Variants in CAST observed in about 807,000 individuals in gnomAD.
The protein encoded by CAST is calpastatin.
Under a neutral mutation model 119.6 loss-of-function variants are expected in CAST, and 76 were observed. The ratio of observed to expected loss-of-function variants is 0.64; its 90% CI spans 0.53 to 0.77. The LOEUF is 0.77. Among genes scored for constraint, CAST ranks in the 30% least tolerant of loss-of-function variants. The pLI is 0.00. For synonymous variants in CAST, 319 were observed against 331.6 expected, an observed-to-expected ratio of 0.96 and a Z score of 0.41; for missense variants, 953 against 946.5, an observed-to-expected ratio of 1.01 and a Z score of -0.09.
At chr5:96,362,579 G>T in the CAST span, among the ~76,000 whole-genome samples, 6 of 152,112 alleles carry the variant, frequency 3.9e-5, no homozygotes, top group Non-Finnish European at 7.4e-5. Flanking sequence ...TTTCTCTGAT[G>T]GCCAGTGATG....
chr5:96,462,617 A>G, the CAST span, among the ~76,000 whole-genome samples: 1 of 152,114 alleles, frequency 6.6e-6, no homozygotes, highest in East Asian at 1.9e-4. Flanking sequence ...ATAAAAATTT[A>G]AAAGGGTTAA....
the CAST span, among the ~76,000 whole-genome samples, chr5:96,009,122 G>T: frequency 6.6e-6 from 1 of 152,146 alleles, no homozygotes; most frequent in East Asian, 1.9e-4. Flanking sequence ...CTGCATCCAT[G>T]TTGCTACAAA....
chr5:96,221,582 C>T, the CAST span, among the ~76,000 whole-genome samples: 18 of 152,074 alleles, frequency 1.2e-4, no homozygotes, highest in African/African-American at 4.1e-4. Context: ...AGAAAAACTA[C>T]AAAACACTGA....
At chr5:96,103,463 T>C in the CAST span, among the ~76,000 whole-genome samples, 3 of 150,948 alleles carry the variant, frequency 2.0e-5, no homozygotes, top group East Asian at 5.9e-4. Context: ...GGTTTTTTTG[T>C]TCTTGCGATA....
At chr5:96,432,243 G>T in the CAST span, 9 of 900,748 alleles carry the variant, frequency 1.0e-5, no homozygotes, top group Non-Finnish European at 1.5e-5. Flanking sequence ...AGATGGTCCC[G>T]TGTCTTTCAC....
At chr5:96,269,673 C>T in the CAST span, among the ~76,000 whole-genome samples, 1 of 152,116 alleles carries the variant, frequency 6.6e-6, no homozygotes, top group East Asian at 1.9e-4. Context: ...AGTTTCTGGG[C>T]ATATACAACC....
At chr5:96,325,462 T>A in the CAST span, among the ~76,000 whole-genome samples, 1,441 of 150,962 alleles carry the variant, frequency 9.5e-3, 14 homozygotes, top group African/African-American at 0.027. Flanking sequence ...TCTTTTATTT[T>A]TTTATTTATT....
chr5:96,463,088 C>T, the CAST span, among the ~76,000 whole-genome samples: 3 of 152,014 alleles, frequency 2.0e-5, no homozygotes, highest in Non-Finnish European at 4.4e-5. Flanking sequence ...TATTTATTAT[C>T]GTTTCATATC....
the CAST span, among the ~76,000 whole-genome samples, chr5:96,035,325 A>G: frequency 6.6e-6 from 1 of 151,512 alleles, no homozygotes; most frequent in African/African-American, 2.4e-5. Context: ...TATAGCAACA[A>G]GGAAACACAT....
the CAST span, among the ~76,000 whole-genome samples, chr5:96,294,579 T>C: frequency 6.6e-6 from 1 of 152,242 alleles, no homozygotes; most frequent in African/African-American, 2.4e-5. Flanking sequence ...CCCTTTGCAG[T>C]GTCTGATATA....
chr5:96,416,131 GA>G, the CAST span: 1 of 1,565,442 alleles, frequency 6.4e-7, no homozygotes, highest in Non-Finnish European at 8.8e-7. Context: ...TCTGAGGATT[GA>G]AAAATAAGAA....
intron 1 of CAST, among the ~76,000 whole-genome samples, chr5:96,625,054 T>G (rs1432548170): frequency 6.6e-6 from 1 of 152,202 alleles, no homozygotes; most frequent in African/African-American, 2.4e-5. Flanking sequence ...GTGTAAATAT[T>G]TGAGGCAGAA....
In CAST at chr5:96,774,515, A is replaced by C; in HGVS notation, c.*1899A>C. ...GCAAAGAACAATTTTTTATTATCAA[A>C]AAGGTTTCTGCACATTGTTGTGGCA... On this transcript the variant is annotated 3_prime_UTR_variant, in exon 32 of 32. Coordinates refer to ENST00000675179, the MANE Select transcript of CAST (RefSeq NM_001750.7). The C allele has an allele frequency of 1.0e-6, 1 of 986,472 alleles. No homozygotes were observed. The highest frequency in any genetic ancestry group is 1.2e-6 in the Non-Finnish European group (1 of 829,838). 61.1% of individuals were successfully genotyped at this position (986,472 alleles called of 1,614,324 possible).
chr5:96,704,839 G>A (rs761633611), intron 3 of CAST, among the ~76,000 whole-genome samples: 1 of 152,108 alleles, frequency 6.6e-6, no homozygotes, highest in Non-Finnish European at 1.5e-5. Context: ...CTCTATGGAC[G>A]CTCTTGACTT....
the CAST span, chr5:96,425,986 T>A: frequency 1.1e-6 from 1 of 921,906 alleles, no homozygotes; most frequent in Non-Finnish European, 1.8e-6. Context: ...CTCTGTATAC[T>A]TCCTCTAACT....
At chr5:96,143,785 C>T in the CAST span, among the ~76,000 whole-genome samples, 1 of 152,158 alleles carries the variant, frequency 6.6e-6, no homozygotes, top group Non-Finnish European at 1.5e-5. Context: ...TATTGTAAAA[C>T]ATGGCAAATA....
chr5:96,063,809 C>T, the CAST span, among the ~76,000 whole-genome samples: 1 of 152,102 alleles, frequency 6.6e-6, no homozygotes, highest in Non-Finnish European at 1.5e-5. Context: ...AGTTTAGGTG[C>T]CTTTCTGAAT....
At chr5:96,766,222 T>TAGCTATACTCCTTTACAATAGCATAAAAC in intron 27 of CAST, 77 bp downstream of exon 27, 1 of 823,772 alleles carries the variant, frequency 1.2e-6, no homozygotes, top group Non-Finnish European at 2.1e-6. Flanking sequence ...AAATAAATAG[T>TAGCTATACTCCTTTACAATAGCATAAAAC]AGCTATACTC....
At chr5:96,705,026 C>T (rs12188168) in intron 3 of CAST, among the ~76,000 whole-genome samples, 1 of 152,164 alleles carries the variant, frequency 6.6e-6, no homozygotes, top group Admixed American at 6.5e-5. Flanking sequence ...TTGAATAAAA[C>T]ATATTAAAAA....
Sources: gnomAD v4.1 joint callset for allele counts (sites outside exome capture counted in the v4.1 genomes callset) on GRCh38, gnomAD v4.1.1 for gene constraint, MANE v1.5 for transcripts, NCBI Gene and HGNC (gene_info 2026-07-23, HGNC 2026-07-21) for gene names.